Variants in TICRR observed in about 807,000 individuals in gnomAD.
TICRR encodes TOPBP1 interacting checkpoint and replication regulator.
Under a neutral mutation model 178.1 loss-of-function variants are expected in TICRR, and 132 were observed. The observed-to-expected ratio is 0.74, with a 90% confidence interval of 0.64 to 0.86. TICRR has a LOEUF of 0.86. Ranked by LOEUF, TICRR falls within the 40% of genes least tolerant of loss-of-function variation. TICRR has a pLI of 0.00. For synonymous variants in TICRR, 991 were observed against 900.7 expected (o/e 1.10, Z -1.79); for missense variants, 2,587 against 2,334.3 (o/e 1.11, Z -2.23).
chr15:89,592,047 C>G lies in TICRR; in HGVS notation c.1412C>G (p.Ala471Gly). The G allele has an allele frequency of 6.2e-7, 1 of 1,605,888 alleles. No individual in the cohort carries two copies. Among genetic ancestry groups the G allele is most frequent in the Non-Finnish European group, 8.5e-7 (1 of 1,173,894 alleles). ...TGCCGCTGCTCCTTTGCTCCAATAG[C>G]TTCTCCTGTTCCAGAGTGGGCCCAG... ...HDSLADTASAASPVPEWAQQE... is the reference protein window; with the variant it reads ...HDSLADTASAGSPVPEWAQQE... The change falls in exon 5 of 22, where the codon GCT becomes GGT. Residue 471 changes from alanine to glycine, a missense_variant and splice_region_variant. Physicochemically the swap from Ala to Gly is moderately conservative, Grantham distance 60. Coordinates refer to ENST00000268138, the MANE Select transcript of TICRR (RefSeq NM_152259.4).
chr15:89,626,606 G>A (rs1963532327), intron 21 of TICRR, among the ~76,000 whole-genome samples: 1 of 152,036 alleles, frequency 6.6e-6, no homozygotes, highest in African/African-American at 2.4e-5. Flanking sequence ...AGGAGGAGGG[G>A]GCCTTTGGTG....
At chr15:89,626,247 A>T (rs959718693) in intron 21 of TICRR, among the ~76,000 whole-genome samples, 186 bp downstream of exon 21, 9 of 152,202 alleles carry the variant, frequency 5.9e-5, no homozygotes, top group Admixed American at 5.9e-4. Flanking sequence ...TGTGCATGTG[A>T]ACAGAAGCCC....
At position 89,594,419 on chromosome 15, in the gene TICRR, C is replaced by G; in HGVS notation, c.1546C>G (p.Leu516Val). ...CTAGACATCTTGACTTCACAGGTTACTACAGGCTGCCTCAGCTAATAAGGA... is the reference window on the plus strand; with the variant it reads ...CTAGACATCTTGACTTCACAGGTTAGTACAGGCTGCCTCAGCTAATAAGGA... ...SSDLMESFGL[L>V]QAASANKEES... The change falls in exon 6 of 22, where the codon CTA becomes GTA. Residue 516 changes from leucine to valine, a missense_variant. Coordinates refer to ENST00000268138, the MANE Select transcript of TICRR (RefSeq NM_152259.4). 1 of 1,610,514 alleles carries G rather than the reference C, an allele frequency of 6.2e-7. No individual in the cohort carries two copies. The highest frequency in any genetic ancestry group is 1.7e-5 in the Admixed American group (1 of 59,216).
chr15:89,592,829 A>G (rs1403375147), intron 5 of TICRR, among the ~76,000 whole-genome samples: 1 of 152,214 alleles, frequency 6.6e-6, no homozygotes, highest in Non-Finnish European at 1.5e-5. Context: ...CTCCACACAT[A>G]TATCCATTCA....
At chr15:89,602,601 C>T (rs1436064145) in intron 12 of TICRR, among the ~76,000 whole-genome samples, 195 bp from the exon 13 acceptor site, 4 of 151,938 alleles carry the variant, frequency 2.6e-5, no homozygotes, top group East Asian at 1.9e-4. Flanking sequence ...TGATGCTTTT[C>T]GTTGTTCATA....
rs201249421 is a variant in TICRR, at chr15:89,600,615, C to G, written c.2083C>G (p.Leu695Val). Reference sequence around the variant, plus strand: ...CTGCCTGAATCAAGTAAAAAGTAGTCTCTTAAAAACTAGTAAAAGTCTTCG... The same window carrying G: ...CTGCCTGAATCAAGTAAAAAGTAGTGTCTTAAAAACTAGTAAAAGTCTTCG... ...VNCLNQVKSS[L>V]LKTSKSLRQN... Residue 695 changes from leucine to valine, a missense_variant, in exon 9 of 22, where the codon CTC becomes GTC. Physicochemically the swap from Leu to Val is conservative, Grantham distance 32. Transcript: ENST00000268138. 1.2e-4 allele frequency: 187 copies of G among 1,591,678 alleles called. No homozygotes were observed. Among genetic ancestry groups the G allele is most frequent in the Middle Eastern group, 6.8e-4 (4 of 5,906 alleles).
chr15:89,622,940 C>T (rs189563718), intron 19 of TICRR, among the ~76,000 whole-genome samples: 40 of 152,342 alleles, frequency 2.6e-4, no homozygotes, highest in African/African-American at 8.7e-4. Flanking sequence ...CTGCACCAAT[C>T]ACATTGTATT....
intron 13 of TICRR, among the ~76,000 whole-genome samples, chr15:89,606,178 A>T (rs1220640056): frequency 6.6e-6 from 1 of 152,216 alleles, no homozygotes; most frequent in Non-Finnish European, 1.5e-5. Flanking sequence ...TCCGTTATAT[A>T]CATATATATA....
intron 19 of TICRR, among the ~76,000 whole-genome samples, chr15:89,622,457 C>T (rs1963442142): frequency 6.6e-6 from 1 of 152,196 alleles, no homozygotes; most frequent in South Asian, 2.1e-4. Flanking sequence ...AAAATGTTCA[C>T]TTTGCTTAAA....
rs1251852198 is a variant in TICRR at position 89,606,801 on chromosome 15, C to T, written c.2698C>T (p.Gln900Ter). The T allele has an allele frequency of 1.2e-6, 2 of 1,613,762 alleles. No homozygotes were observed. Among genetic ancestry groups the T allele is most frequent in the Admixed American group, 1.7e-5 (1 of 59,998 alleles). The change falls in exon 14 of 22, where the codon CAG becomes TAG. Residue 900 changes from glutamine (Q) to a stop codon, truncating the protein, a stop_gained. Transcript: ENST00000268138. LOFTEE classifies it high-confidence loss of function. ...NSHPAPQQPS[Q>*]PVKDTVQEVT... is the part of the protein sequence containing the mutation. ...TCACCCTGCTCCTCAGCAGCCTTCC[C>T]AGCCAGTGAAAGATACAGTGCAAGG...
chr15:89,575,526 AG>A lies in TICRR; in HGVS notation c.-58del. On this transcript the variant is annotated 5_prime_UTR_variant, in exon 1 of 22. Coordinates refer to ENST00000268138, the MANE Select transcript of TICRR (RefSeq NM_152259.4). ...TGAGTGGTGCTGTTTCCCTGAAGGA[AG>A]GGACTAAGGGACGGTGGCGCGGGCC... is the stretch of plus-strand genomic sequence containing the variant. 7.1e-7 allele frequency: 1 copy of A among 1,400,294 alleles called. No individual in the cohort carries two copies. The highest frequency in any genetic ancestry group is 9.3e-7 in the Non-Finnish European group (1 of 1,072,506). 86.7% of individuals were successfully genotyped at this position (1,400,294 alleles called of 1,614,324 possible).
chr15:89,588,922 G>A (rs769560350), intron 4 of TICRR, among the ~76,000 whole-genome samples: 7 of 152,104 alleles, frequency 4.6e-5, no homozygotes, highest in Non-Finnish European at 1.0e-4. Context: ...CAGGTAGAGG[G>A]AAAATGATCT....
At position 89,601,814 on chromosome 15, in the gene TICRR, G is replaced by A. The variant is rs745758127; in HGVS notation, c.2405G>A (p.Gly802Asp). 1.9e-5 allele frequency: 31 copies of A among 1,614,018 alleles called. No homozygotes were observed. Among genetic ancestry groups the A allele is most frequent in the Non-Finnish European group, 2.4e-5 (28 of 1,180,028 alleles). The change falls in exon 12 of 22, where the codon GGT (glycine) becomes GAT (aspartate). Residue 802 changes from glycine to aspartate, a missense_variant. Gly to Asp is a moderately conservative substitution (Grantham distance 94). Transcript: ENST00000268138. ...TTTGTGATTCCTCAGAAGCTGGCTGGTGTCCTTCCTACAGATTTTTTCAGT... is the reference window on the plus strand; with the variant it reads ...TTTGTGATTCCTCAGAAGCTGGCTGATGTCCTTCCTACAGATTTTTTCAGT... ...LGFVIPQKLA[G>D]VLPTDFFSDD...
intron 1 of TICRR, among the ~76,000 whole-genome samples, chr15:89,581,454 G>C (rs1225812744): frequency 6.6e-6 from 1 of 152,204 alleles, no homozygotes; most frequent in African/African-American, 2.4e-5. Flanking sequence ...AGAGTCAGCT[G>C]TGTGTGAAGG....
rs76443582 is a variant in TICRR at position 89,621,912 on chromosome 15, G to A, written c.3312+362G>A. 1.1e-4 allele frequency among the ~76,000 whole-genome samples: 16 copies of A among 150,410 alleles called. No homozygotes were observed. The East Asian group carries it at 2.7e-3, about 26-fold the overall frequency. ...AGTCACCAACATTAGAAACCTGGGA[G>A]TCATCCTTTTCCCTCTCCCCAGGCA... On this transcript the variant is annotated intron_variant, in intron 19 of 21. Coordinates refer to ENST00000268138, the MANE Select transcript of TICRR (RefSeq NM_152259.4).
rs1344185102 is a variant in TICRR at position 89,625,021 on chromosome 15, C to T, written c.4711C>T (p.Pro1571Ser). The part of the protein sequence containing the change: ...VELEMQASGL[P>S]KLRIKKIDPS... Reference sequence around the variant, plus strand: ...GCTGGAGATGCAAGCTTCTGGCCTTCCCAAACTTCGAATTAAGAAGATAGA... The same window carrying T: ...GCTGGAGATGCAAGCTTCTGGCCTTTCCAAACTTCGAATTAAGAAGATAGA... Residue 1571 changes from proline to serine, a missense_variant, in exon 20 of 22, where the codon CCC becomes TCC. Physicochemically the swap from Pro to Ser is moderately conservative, Grantham distance 74. Transcript: ENST00000268138. 1.9e-5 allele frequency: 30 copies of T among 1,613,936 alleles called. No individual in the cohort carries two copies. The highest frequency in any genetic ancestry group is 1.6e-4 in the Middle Eastern group (1 of 6,084).
chr15:89,585,592 A>G (rs1017413423), intron 3 of TICRR, 116 bp from the exon 4 acceptor site: 18 of 728,492 alleles, frequency 2.5e-5, no homozygotes, highest in Non-Finnish European at 4.0e-5. Flanking sequence ...TATCTTTTTC[A>G]TAGTTTTCAC....
Position 89,576,109 on chromosome 15 carries a change from G to A in TICRR, c.523G>A (p.Glu175Lys), listed in dbSNP as rs766513294. 1.9e-6 allele frequency: 3 copies of A among 1,611,344 alleles called. No homozygotes were observed. The highest frequency in any genetic ancestry group is 2.5e-6 in the Non-Finnish European group (3 of 1,179,978). Residue 175 changes from glutamate (E) to lysine (K), a missense_variant, in exon 1 of 22, where the codon GAG (glutamate) becomes AAG (lysine). By Grantham distance (56) the Glu-to-Lys change is moderately conservative. Transcript: ENST00000268138. ...GCTGCTGCAGTTCGTGTCTGGGTGC[G>A]AGGCCCAGGCCCAGCGCCTGCCGCC... Reference protein sequence around the residue: ...RELLQFVSGCEAQAQRLPPTP... With the variant: ...RELLQFVSGCKAQAQRLPPTP...
At chr15:89,577,910 A>G (rs1044833464) in intron 1 of TICRR, among the ~76,000 whole-genome samples, 2 of 152,038 alleles carry the variant, frequency 1.3e-5, no homozygotes, top group East Asian at 1.9e-4. Flanking sequence ...CGTGCCTGGC[A>G]GGGAAGGCCT....
Sources: gnomAD v4.1 joint callset for allele counts (sites outside exome capture counted in the v4.1 genomes callset) on GRCh38, gnomAD v4.1.1 for gene constraint, MANE v1.5 for transcripts, NCBI Gene and HGNC (gene_info 2026-07-23, HGNC 2026-07-21) for gene names.